The following LRRTM4 variants were observed in gnomAD, a reference collection of about 807,000 sequenced individuals.
LRRTM4 encodes the protein leucine-rich repeat transmembrane neuronal protein 4.
Under a neutral mutation model 47.6 loss-of-function variants are expected in LRRTM4, and 25 were observed. The observed-to-expected ratio is 0.53, with a 90% confidence interval of 0.38 to 0.73. The LOEUF is 0.73. LRRTM4 is among the 30% of genes least tolerant of loss of function. The probability of loss-of-function intolerance (pLI) is 0.00; values close to 1 mark genes in which losing one functional copy is unlikely to be tolerated. For synonymous variants in LRRTM4, 311 were observed against 269.5 expected, an observed-to-expected ratio of 1.15 and a Z score of -1.51; for missense variants, 638 against 713.4, an observed-to-expected ratio of 0.89 and a Z score of 1.20.
intron 3 of LRRTM4, among the ~76,000 whole-genome samples, chr2:77,383,089 T>A (rs554908693): frequency 1.3e-5 from 2 of 152,056 alleles, no homozygotes; most frequent in Non-Finnish European, 2.9e-5. Flanking sequence ...GTTTGGTACC[T>A]CAAATTAAGT....
intron 3 of LRRTM4, among the ~76,000 whole-genome samples, chr2:76,925,284 G>T (rs1186601478): frequency 6.6e-6 from 1 of 152,086 alleles, no homozygotes; most frequent in Non-Finnish European, 1.5e-5. Flanking sequence ...CAGGGAGCGG[G>T]TTGGCTTCCA....
At position 76,918,473 on chromosome 2, in the gene LRRTM4, T is replaced by C. The variant is rs537193678; in HGVS notation, c.1552-169557A>G. 3.3e-5 allele frequency among the ~76,000 whole-genome samples: 5 copies of C among 152,338 alleles called. No individual in the cohort carries two copies. In the East Asian group the frequency reaches 7.7e-4, roughly 23 times the overall value. On this transcript the variant is annotated intron_variant, in intron 3 of 3. Transcript: ENST00000409884. ...TCACCATTAAGATACATTTGTCTAA[T>C]AGTTTTAAGTTTTGTCTAGGAATAT...
chr2:76,807,904 TCTTTCTTTTCTTTCCTTTCTTTC>T (rs1291039363), intron 3 of LRRTM4, among the ~76,000 whole-genome samples: 1 of 143,436 alleles, frequency 7.0e-6, no homozygotes, highest in East Asian at 2.0e-4. Context: ...TCTTTACTTT[TCTTTCTTTTCTTTCCTTTCTTTC>T]CTTTCCTTTC....
intron 3 of LRRTM4, among the ~76,000 whole-genome samples, chr2:77,019,274 A>T (rs1032674192): frequency 1.3e-5 from 2 of 151,284 alleles, no homozygotes; most frequent in Non-Finnish European, 3.0e-5. Flanking sequence ...AAAAAAAAAA[A>T]AATATAAGAA....
intron 3 of LRRTM4, among the ~76,000 whole-genome samples, chr2:77,326,788 A>T (rs1362550627): frequency 1.3e-5 from 2 of 152,148 alleles, no homozygotes; most frequent in Admixed American, 1.3e-4. Flanking sequence ...TTTCCAGCCA[A>T]TGAATGGAAA....
chr2:76,914,010 G>A (rs1004627749), intron 3 of LRRTM4, among the ~76,000 whole-genome samples: 11 of 151,546 alleles, frequency 7.3e-5, no homozygotes, highest in African/African-American at 2.2e-4. Context: ...TACAATTAAA[G>A]ATATAAAATT....
At chr2:77,321,657 T>C (rs911849877) in intron 3 of LRRTM4, among the ~76,000 whole-genome samples, 1 of 152,024 alleles carries the variant, frequency 6.6e-6, no homozygotes, top group African/African-American at 2.4e-5. Flanking sequence ...AATATCCTCA[T>C]ATTTTATATT....
chr2:77,364,447 T>G, intron 3 of LRRTM4, among the ~76,000 whole-genome samples: 1 of 152,086 alleles, frequency 6.6e-6, no homozygotes, highest in East Asian at 1.9e-4. Flanking sequence ...AAATGCTCAC[T>G]TACAGGCAAA....
intron 3 of LRRTM4, among the ~76,000 whole-genome samples, chr2:77,152,259 T>C (rs1672449393): frequency 1.3e-5 from 2 of 152,296 alleles, no homozygotes; most frequent in South Asian, 2.1e-4. Flanking sequence ...TTAAGAGTAC[T>C]TGTGTTGGAG....
intron 3 of LRRTM4, among the ~76,000 whole-genome samples, chr2:77,511,706 T>G (rs1679012134): frequency 6.6e-6 from 1 of 152,074 alleles, no homozygotes; most frequent in Non-Finnish European, 1.5e-5. Context: ...CTTTTAATTA[T>G]GCTTCTTCAT....
chr2:77,200,144 T>A (rs1017572501), intron 3 of LRRTM4, among the ~76,000 whole-genome samples: 1 of 152,066 alleles, frequency 6.6e-6, no homozygotes, highest in African/African-American at 2.4e-5. Flanking sequence ...GAACCCCTAT[T>A]TCTTTTATTA....
chr2:77,125,568 C>T (rs1032171619), intron 3 of LRRTM4, among the ~76,000 whole-genome samples: 1 of 152,162 alleles, frequency 6.6e-6, no homozygotes, highest in Admixed American at 6.5e-5. Flanking sequence ...TTGTTCTGTG[C>T]TAATAAGTTT....
chr2:77,084,446 T>A (rs1558570343), intron 3 of LRRTM4, among the ~76,000 whole-genome samples: 1 of 152,232 alleles, frequency 6.6e-6, no homozygotes, highest in South Asian at 2.1e-4. Context: ...CTTGTTTAGC[T>A]ATGTTTACCA....
intron 3 of LRRTM4, among the ~76,000 whole-genome samples, chr2:77,037,624 C>A (rs1317394358): frequency 6.6e-6 from 1 of 151,628 alleles, no homozygotes; most frequent in African/African-American, 2.4e-5. Flanking sequence ...CACAAATATC[C>A]ATTAAAAATG....
At chr2:77,300,417 T>A (rs1677103904) in intron 3 of LRRTM4, among the ~76,000 whole-genome samples, 1 of 152,186 alleles carries the variant, frequency 6.6e-6, no homozygotes, top group Non-Finnish European at 1.5e-5. Flanking sequence ...ACTTTAGCAT[T>A]AGAACCTAGG....
chr2:77,230,501 T>G (rs965122492), intron 3 of LRRTM4, among the ~76,000 whole-genome samples: 3 of 152,132 alleles, frequency 2.0e-5, no homozygotes, highest in African/African-American at 7.2e-5. Context: ...TTAGATGGGT[T>G]CCTGATATAA....
chr2:77,103,453 C>T (rs970475247), intron 3 of LRRTM4, among the ~76,000 whole-genome samples: 1 of 151,816 alleles, frequency 6.6e-6, no homozygotes, highest in Non-Finnish European at 1.5e-5. Flanking sequence ...AACAGCCATC[C>T]ATCTGTAAGA....
At position 77,519,829 on chromosome 2, in the gene LRRTM4, C is replaced by A; in HGVS notation, c.40G>T (p.Val14Leu). 1 of 1,611,236 alleles carries A rather than the reference C, an allele frequency of 6.2e-7. No individual in the cohort carries two copies. Among genetic ancestry groups the A allele is most frequent in the Non-Finnish European group, 8.5e-7 (1 of 1,178,430 alleles). The change falls in exon 3 of 4, where the codon GTG becomes TTG. Residue 14 changes from valine (V) to leucine (L), a missense_variant. Val to Leu is a conservative substitution (Grantham distance 32). Coordinates refer to ENST00000409884, the MANE Select transcript of LRRTM4 (RefSeq NM_001134745.3). This position sits in a 1 kb window ranked among gnomAD's most constrained non-coding sequence, Gnocchi z 4.6. ...HLITQLKGMS[V>L]VLVLLPTLLL... Reference sequence around the variant, plus strand: ...AGTGTAGGAAGTAGCACCAGCACCACACTCATGCCTTTCAGCTGCGTAATT... The same window carrying A: ...AGTGTAGGAAGTAGCACCAGCACCAAACTCATGCCTTTCAGCTGCGTAATT...
chr2:77,069,334 A>T (rs115109294), intron 3 of LRRTM4, among the ~76,000 whole-genome samples: 3,257 of 151,872 alleles, frequency 0.021, 81 homozygotes, highest in African/African-American at 0.067. Flanking sequence ...TCATGTGGAT[A>T]CGTTTTTTAG....
Sources: gnomAD v4.1 joint callset for allele counts (sites outside exome capture counted in the v4.1 genomes callset) on GRCh38, gnomAD v4.1.1 for gene constraint, Gnocchi (gnomAD v3.1) non-coding constraint, MANE v1.5 for transcripts, NCBI Gene and HGNC (gene_info 2026-07-23, HGNC 2026-07-21) for gene names.